The following NFIA variants were observed in gnomAD, a reference collection of about 807,000 sequenced individuals.
NFIA encodes nuclear factor 1 A-type.
A neutral mutation model predicts 62.8 loss-of-function variants in NFIA; 8 were observed. The ratio of observed to expected loss-of-function variants is 0.13; its 90% CI spans 0.07 to 0.23. The LOEUF is 0.23. Among genes scored for constraint, NFIA ranks in the 10% least tolerant of loss-of-function variants. The pLI is 1.00. For synonymous variants in NFIA, 235 were observed against 238.1 expected (o/e 0.99, Z 0.12); for missense variants, 410 against 642.1 (o/e 0.64, Z 3.91).
intron 6 of NFIA, among the ~76,000 whole-genome samples, chr1:61,367,707 T>C (rs891899658): frequency 1.3e-5 from 2 of 152,196 alleles, no homozygotes; most frequent in Admixed American, 1.3e-4. Context: ...GGCTGTTTTT[T>C]CTTAATGTCA....
At chr1:61,313,866 C>A (rs1660237221) in intron 3 of NFIA, among the ~76,000 whole-genome samples, 1 of 152,190 alleles carries the variant, frequency 6.6e-6, no homozygotes, top group South Asian at 2.1e-4. Context: ...TAGTTAATTA[C>A]ATTGCTTCAG....
chr1:61,388,794 A>G (rs1487505901), intron 7 of NFIA, among the ~76,000 whole-genome samples: 1 of 152,164 alleles, frequency 6.6e-6, no homozygotes, highest in African/African-American at 2.4e-5. Flanking sequence ...GCTTAAGAAA[A>G]TAAGGAGTCA....
chr1:61,402,039 T>TC (rs1275438808), intron 7 of NFIA, among the ~76,000 whole-genome samples: 1 of 135,626 alleles, frequency 7.4e-6, no homozygotes, highest in African/African-American at 3.0e-5. Context: ...TTTTCTTTTT[T>TC]TTTTTTTTTT....
upstream of NFIA, among the ~76,000 whole-genome samples, chr1:61,078,048 C>T (rs1646053882): frequency 6.6e-6 from 1 of 151,988 alleles, no homozygotes; most frequent in African/African-American, 2.4e-5. Context: ...ACGATTTGAT[C>T]CTCTAATCAA....
At chr1:61,288,848 G>A (rs1385279469) in intron 3 of NFIA, among the ~76,000 whole-genome samples, 1 of 152,140 alleles carries the variant, frequency 6.6e-6, no homozygotes, top group Non-Finnish European at 1.5e-5. Flanking sequence ...GCTCACTGCA[G>A]CCTCAACCTC....
chr1:61,451,784 G>C (rs1668069892), intron 10 of NFIA, among the ~76,000 whole-genome samples: 1 of 152,162 alleles, frequency 6.6e-6, no homozygotes, highest in African/African-American at 2.4e-5. Flanking sequence ...CTGCACATAG[G>C]GAGGGAGATT....
At chr1:61,276,873 G>C (rs1414858625) in intron 2 of NFIA, among the ~76,000 whole-genome samples, 1 of 152,030 alleles carries the variant, frequency 6.6e-6, no homozygotes, top group Non-Finnish European at 1.5e-5. Flanking sequence ...TTGCAAACAA[G>C]TCCTTTTAGG....
intron 10 of NFIA, among the ~76,000 whole-genome samples, chr1:61,429,078 T>G (rs1421514061): frequency 6.6e-6 from 1 of 152,212 alleles, no homozygotes; most frequent in African/African-American, 2.4e-5. Context: ...CATCATCCTG[T>G]AGAAGATGGA....
chr1:61,445,588 C>T (rs1337556619), intron 10 of NFIA, among the ~76,000 whole-genome samples: 1 of 152,154 alleles, frequency 6.6e-6, no homozygotes, highest in Non-Finnish European at 1.5e-5. Flanking sequence ...CCTACCACAT[C>T]CTCAGAAGGA....
intron 8 of NFIA, among the ~76,000 whole-genome samples, chr1:61,406,072 A>T (rs1007122364): frequency 6.6e-6 from 1 of 152,186 alleles, no homozygotes; most frequent in Non-Finnish European, 1.5e-5. Context: ...TTACTTTTTT[A>T]TCTCAAGTGC....
chr1:61,353,257 C>T (rs1662649856), intron 5 of NFIA, among the ~76,000 whole-genome samples: 2 of 152,222 alleles, frequency 1.3e-5, no homozygotes, highest in South Asian at 4.2e-4. Context: ...AGGGTGGGGC[C>T]AGACCACAGA....
intron 2 of NFIA, among the ~76,000 whole-genome samples, chr1:61,126,785 T>TCCC (rs1557583642): frequency 1.4e-5 from 2 of 142,578 alleles, no homozygotes; most frequent in African/African-American, 5.2e-5. Context: ...TCCTTTTTTT[T>TCCC]TTTTTTTTTT....
intron 4 of NFIA, among the ~76,000 whole-genome samples, chr1:61,350,372 T>C (rs9436208): frequency 0.13 from 20,104 of 152,160 alleles, 2,093 homozygotes; most frequent in African/African-American, 0.29. Flanking sequence ...GGCTCATGCT[T>C]GTAATCCCAG....
intron 6 of NFIA, among the ~76,000 whole-genome samples, chr1:61,378,056 G>A (rs1664236357): frequency 1.3e-5 from 2 of 152,156 alleles, no homozygotes; most frequent in African/African-American, 4.8e-5. Context: ...AATGATTCCT[G>A]CAGTGTTTCC....
intron 1 of NFIA, 36 bp downstream of exon 1, chr1:61,082,854 C>T (rs1195346930): frequency 7.5e-6 from 7 of 937,258 alleles, no homozygotes; most frequent in Non-Finnish European, 1.1e-5. Context: ...GCTTGGGGGC[C>T]GGGGCGCCGG....
intron 2 of NFIA, among the ~76,000 whole-genome samples, chr1:61,185,840 A>G (rs1397019312): frequency 6.6e-6 from 1 of 151,930 alleles, no homozygotes; most frequent in African/African-American, 2.4e-5. Context: ...TCTGTCTAAA[A>G]TTGTCCTTCC....
At chr1:61,417,336 T>C (rs1448863030) in intron 9 of NFIA, among the ~76,000 whole-genome samples, 2 of 146,606 alleles carry the variant, frequency 1.4e-5, no homozygotes, top group Non-Finnish European at 3.0e-5. Context: ...TAATATCTAG[T>C]ATGCCATTAA....
chr1:61,094,851 G>A (rs946212209), intron 2 of NFIA, among the ~76,000 whole-genome samples: 11 of 152,154 alleles, frequency 7.2e-5, no homozygotes, highest in African/African-American at 1.9e-4. Flanking sequence ...TAGTCCTCCC[G>A]TTAGTGTTCT....
At chr1:61,081,928 A>G (rs1309341065), upstream of NFIA, 4 of 1,549,910 alleles carry the variant, frequency 2.6e-6, no homozygotes, top group Admixed American at 7.8e-5. Context: ...CTGATTTTTC[A>G]AAGAAATTTG....
Sources: gnomAD v4.1 joint callset for allele counts (sites outside exome capture counted in the v4.1 genomes callset) on GRCh38, gnomAD v4.1.1 for gene constraint, MANE v1.5 for transcripts, NCBI Gene and HGNC (gene_info 2026-07-23, HGNC 2026-07-21) for gene names.